The following LAG3 variants were observed in gnomAD, a reference collection of about 807,000 sequenced individuals.
LAG3 encodes the protein lymphocyte activating 3.
In LAG3, 29 loss-of-function variants were observed where a neutral mutation model predicts 49.0. The observed-to-expected ratio is 0.59, with a 90% CI of 0.44 to 0.81. The LOEUF is 0.81. Among genes scored for constraint, LAG3 ranks in the 30% least tolerant of loss-of-function variants. The pLI is 0.00. For missense variants in LAG3, 693 were observed against 695.2 expected (o/e 1.00, Z 0.04); for synonymous variants, 320 against 297.3 (o/e 1.08, Z -0.79).
At chr12:6,774,149 G>A in intron 3 of LAG3, 148 bp downstream of exon 3, 1 of 1,272,086 alleles carries the variant, frequency 7.9e-7, no homozygotes, top group Non-Finnish European at 1.0e-6. Context: ...TGGGCGGCCT[G>A]CTGGAGTGGA....
At chr12:6,778,020 G>T in intron 7 of LAG3, 99 bp downstream of exon 7, 1 of 1,561,444 alleles carries the variant, frequency 6.4e-7, no homozygotes, top group Non-Finnish European at 8.7e-7. Flanking sequence ...GACCAAATGG[G>T]ACCCTGAACT....
In LAG3 at chr12:6,775,274, T is replaced by C. The variant is rs762520263; in HGVS notation, c.783T>C (p.Gly261=). 5.0e-6 allele frequency: 8 copies of C among 1,612,476 alleles called. No individual in the cohort carries two copies. In the Admixed American group the frequency reaches 6.7e-5, roughly 13 times the overall value. Residue 261 remains glycine (G), a splice_region_variant and synonymous_variant, in exon 5 of 8, where the codon GGT becomes GGC. Transcript: ENST00000203629. ...CTTTGGGTTTTCTTTTCTCTTCAGG[T>C]CTGGAGCCCCCAACTCCCTTGACAG... ...VSIMYNLTVL[G]LEPPTPLTVY...
rs1254523588 is a variant in LAG3, at chr12:6,773,397, C to T, written c.206+58C>T. 1 of 1,590,774 alleles carries T rather than the reference C, an allele frequency of 6.3e-7. No individual in the cohort carries two copies. The highest frequency in any genetic ancestry group is 8.6e-7 in the Non-Finnish European group (1 of 1,167,450). ...CGAATCCAGCACTCAACCCCACACC[C>T]GTGCCGGTCCTCTGTCCCCTGCCCT... is the stretch of plus-strand genomic sequence containing the variant. On this transcript the variant is annotated intron_variant, in intron 2 of 7. Coordinates refer to ENST00000203629, the MANE Select transcript of LAG3 (RefSeq NM_002286.6). The surrounding 1 kb of genome is among the most constrained non-coding windows in gnomAD (Gnocchi z 5.5).
intron 4 of LAG3, 117 bp downstream of exon 4, chr12:6,774,981 C>A: frequency 9.6e-7 from 1 of 1,040,288 alleles, no homozygotes; most frequent in Non-Finnish European, 1.4e-6. Flanking sequence ...TACGTCATTG[C>A]TGTGGGTCTC....
At position 6,778,295 on chromosome 12, in the gene LAG3, GC is replaced by G; in HGVS notation, c.1484del (p.Ala495ValfsTer5). On this transcript the variant is annotated frameshift_variant, in exon 8 of 8. Transcript: ENST00000203629. LOFTEE classifies it low-confidence loss of function (END_TRUNC). ...ALEQGIHPPQ[A>X]QSKIEELEQE... is the part of the protein sequence containing the mutation. ...AGAGCAAGGGATTCACCCTCCGCAG[GC>G]TCAGAGCAAGATAGAGGAGCTGGAG... The G allele has an allele frequency of 6.2e-7, 1 of 1,613,358 alleles. No homozygotes were observed. The highest frequency in any genetic ancestry group is 8.5e-7 in the Non-Finnish European group (1 of 1,179,692).
In LAG3 at chr12:6,777,816, A is replaced by G. The variant is rs774849987; in HGVS notation, c.1326A>G (p.Pro442=). 2.9e-5 allele frequency: 47 copies of G among 1,613,644 alleles called. No individual in the cohort carries two copies. Among genetic ancestry groups the G allele is most frequent in the Non-Finnish European group, 3.6e-5 (42 of 1,179,916 alleles). ...SPGAQRSGRA[P]GALPAGHLLL... ...GTGCCCAACGCTCTGGGAGAGCCCC[A>G]GGTGCCCTCCCAGCAGGCCACCTCC... The change falls in exon 7 of 8, where the codon CCA becomes CCG. Residue 442 remains proline, a synonymous_variant. Coordinates refer to ENST00000203629, the MANE Select transcript of LAG3 (RefSeq NM_002286.6).
At chr12:6,776,712 C>CA (rs1375605228) in intron 5 of LAG3, among the ~76,000 whole-genome samples, 3 of 152,228 alleles carry the variant, frequency 2.0e-5, no homozygotes, top group Non-Finnish European at 4.4e-5. Flanking sequence ...CACCACAAGG[C>CA]AGGGGACACT....
intron 5 of LAG3, 130 bp from the exon 6 acceptor site, chr12:6,777,131 CATG>C: frequency 1.1e-6 from 1 of 886,426 alleles, no homozygotes; most frequent in Non-Finnish European, 1.8e-6. Context: ...GGCCATGACC[CATG>C]ATGTCCTTCC....
At chr12:6,777,131 C>G in intron 5 of LAG3, 133 bp from the exon 6 acceptor site, 2 of 886,426 alleles carry the variant, frequency 2.3e-6, no homozygotes, top group East Asian at 4.8e-5. Context: ...GGCCATGACC[C>G]ATGATGTCCT....
At chr12:6,777,033 G>C (rs1197141189) in intron 5 of LAG3, among the ~76,000 whole-genome samples, 2 of 152,138 alleles carry the variant, frequency 1.3e-5, no homozygotes, top group Non-Finnish European at 2.9e-5. Flanking sequence ...CTTGAGTCCA[G>C]GAATTCCAGA....
Position 6,773,656 on chromosome 12 carries a change from T to A in LAG3, c.207-41T>A. On this transcript the variant is annotated intron_variant, in intron 2 of 7. Transcript: ENST00000203629. This position sits in a 1 kb window ranked among gnomAD's most constrained non-coding sequence, Gnocchi z 5.5. Reference sequence around the variant, plus strand: ...GCTGCCTGCATCCTCCCGGGCTTCCTACCCCTGGAGCTTCTCAACTCCATT... The same window carrying A: ...GCTGCCTGCATCCTCCCGGGCTTCCAACCCCTGGAGCTTCTCAACTCCATT... The A allele has an allele frequency of 7.3e-7, 1 of 1,361,260 alleles. No homozygotes were observed. Among genetic ancestry groups the A allele is most frequent in the Non-Finnish European group, 9.4e-7 (1 of 1,064,888 alleles). The allele number at this position is 1,361,260 out of a possible 1,614,324, so 84.3% of individuals were successfully genotyped here.
Position 6,773,059 on chromosome 12 carries a change from C to G in LAG3, c.59-133C>G. On this transcript the variant is annotated intron_variant, in intron 1 of 7. Coordinates refer to ENST00000203629, the MANE Select transcript of LAG3 (RefSeq NM_002286.6). The surrounding 1 kb of genome is among the most constrained non-coding windows in gnomAD (Gnocchi z 5.5). ...CAGTCCTTCCACCCCGAAAGCCTCT[C>G]TGGGCAGAGAAGAAACAGAAACCCA... 7.2e-7 allele frequency: 1 copy of G among 1,390,636 alleles called. No individual in the cohort carries two copies. The highest frequency in any genetic ancestry group is 1.3e-5 in the South Asian group (1 of 77,108). The allele number at this position is 1,390,636 out of a possible 1,614,324, so 86.1% of individuals were successfully genotyped here.
Position 6,773,712 on chromosome 12 carries a change from C to CGCCCCCGGCCATCCCCTG in LAG3, c.233_250dup (p.His78_Gly83dup). 1 of 1,351,788 alleles carries CGCCCCCGGCCATCCCCTG rather than the reference C, an allele frequency of 7.4e-7. No individual in the cohort carries two copies. Among genetic ancestry groups the CGCCCCCGGCCATCCCCTG allele is most frequent in the Non-Finnish European group, 9.4e-7 (1 of 1,058,532 alleles). 83.7% of individuals were successfully genotyped at this position (1,351,788 alleles called of 1,614,324 possible). A position where few individuals can be genotyped will look rare whatever the true frequency, so the allele number is the denominator to read the frequency against. On this transcript the variant is annotated inframe_insertion, in exon 3 of 8. Transcript: ENST00000203629. The surrounding 1 kb of genome is among the most constrained non-coding windows in gnomAD (Gnocchi z 5.5). The stretch of plus-strand genomic sequence containing the variant: ...TCCCGCCCAGTGGCCCGCCCGCTGC[C>CGCCCCCGGCCATCCCCTG]GCCCCCGGCCATCCCCTGGCCCCCG...
Position 6,775,265 on chromosome 12 carries a change from C to A in LAG3, c.782-8C>A. The A allele has an allele frequency of 1.2e-6, 2 of 1,606,974 alleles. No individual in the cohort carries two copies. The highest frequency in any genetic ancestry group is 1.7e-6 in the Non-Finnish European group (2 of 1,175,838). On this transcript the variant is annotated splice_region_variant and splice_polypyrimidine_tract_variant and intron_variant, in intron 4 of 7. Transcript: ENST00000203629. ...CAGCTTTAACTTTGGGTTTTCTTTT[C>A]TCTTCAGGTCTGGAGCCCCCAACTC...
At chr12:6,777,128 A>C in intron 5 of LAG3, 136 bp from the exon 6 acceptor site, 1 of 842,402 alleles carries the variant, frequency 1.2e-6, no homozygotes, top group Non-Finnish European at 1.9e-6. Context: ...CGTGGCCATG[A>C]CCCATGATGT....
rs995497523 is a variant in LAG3, at chr12:6,775,304, C to T, written c.813C>T (p.Tyr271=). ...AGCCCCCAACTCCCTTGACAGTGTA[C>T]GCTGGAGCAGGTTCCAGGGTGGGGC... ...GLEPPTPLTV[Y]AGAGSRVGLP... is the part of the protein sequence containing the mutation. The change falls in exon 5 of 8, where the codon TAC becomes TAT. Residue 271 remains tyrosine, a synonymous_variant. Transcript: ENST00000203629. 22 of 1,614,066 alleles carry T rather than the reference C, an allele frequency of 1.4e-5. No homozygotes were observed. The highest frequency in any genetic ancestry group is 4.0e-5 in the African/African-American group (3 of 74,936).
chr12:6,772,786 A>AC lies in LAG3; in HGVS notation c.-65dup. On this transcript the variant is annotated 5_prime_UTR_variant, in exon 1 of 8. Transcript: ENST00000203629. ...ACTTCTCCTTTACCCCCCACCCCCC[A>AC]CCACTGCCCCCTTTCCTTTTCTGAC... is the stretch of plus-strand genomic sequence containing the variant. 2.6e-6 allele frequency: 1 copy of AC among 383,232 alleles called. No individual in the cohort carries two copies. Among genetic ancestry groups the AC allele is most frequent in the South Asian group, 3.0e-5 (1 of 33,684 alleles). 23.7% of individuals were successfully genotyped at this position (383,232 alleles called of 1,614,324 possible). A position where few individuals can be genotyped will look rare whatever the true frequency, so the allele number is the denominator to read the frequency against.
chr12:6,772,984 A>G, intron 1 of LAG3, 74 bp downstream of exon 1: 1 of 1,524,470 alleles, frequency 6.6e-7, no homozygotes, highest in Non-Finnish European at 9.1e-7. Flanking sequence ...TGTGGCCACA[A>G]AGGTCCTGAG....
Position 6,774,880 on chromosome 12 carries a change from T to C in LAG3, c.781+16T>C, listed in dbSNP as rs753058751. ...ACTGTTCTGGGTAACTCCCCCACTC[T>C]GCTTCACATTTGACCACAACTCCTT... On this transcript the variant is annotated intron_variant, in intron 4 of 7. Transcript: ENST00000203629. 1 of 1,600,992 alleles carries C rather than the reference T, an allele frequency of 6.2e-7. No individual in the cohort carries two copies.
Sources: allele counts gnomAD v4.1 joint callset (sites outside exome capture counted in the v4.1 genomes callset), GRCh38; gene constraint gnomAD v4.1.1; non-coding constraint Gnocchi (gnomAD v3.1); transcripts MANE v1.5; gene names NCBI Gene and HGNC (gene_info 2026-07-23, HGNC 2026-07-21).